Variants in NEGR1 observed in about 807,000 individuals in gnomAD.
NEGR1 encodes the protein neuronal growth regulator 1, also known as IgLON family member 4.
In NEGR1, 10 loss-of-function variants were observed where a neutral mutation model predicts 40.9. The observed-to-expected ratio is 0.24, with a 90% CI of 0.15 to 0.42. The LOEUF is 0.42. NEGR1 is among the 10% of genes least tolerant of loss of function. The pLI is 1.00. For missense variants in NEGR1, 352 were observed against 438.9 expected, an observed-to-expected ratio of 0.80 and a Z score of 1.77; for synonymous variants, 185 against 166.8, an observed-to-expected ratio of 1.11 and a Z score of -0.84.
chr1:72,016,723 A>C (rs892257764), intron 1 of NEGR1, among the ~76,000 whole-genome samples: 2 of 151,958 alleles, frequency 1.3e-5, no homozygotes, highest in African/African-American at 4.8e-5. Flanking sequence ...CACTCTAAAA[A>C]CCCCTGCACT....
intron 3 of NEGR1, among the ~76,000 whole-genome samples, chr1:71,722,683 ATTGTG>A (rs1654548520): frequency 1.3e-5 from 2 of 152,034 alleles, no homozygotes; most frequent in African/African-American, 2.4e-5. Flanking sequence ...TATAGGAACT[ATTGTG>A]TTGTGTGGGT....
At chr1:71,514,448 C>A (rs1450348172) in intron 6 of NEGR1, among the ~76,000 whole-genome samples, 3 of 95,642 alleles carry the variant, frequency 3.1e-5, no homozygotes, top group Non-Finnish European at 4.1e-5. Flanking sequence ...TGGGAGGCAC[C>A]CCCCAGCAGG....
chr1:71,497,650 G>A (rs552141532), intron 6 of NEGR1, among the ~76,000 whole-genome samples: 29 of 151,822 alleles, frequency 1.9e-4, no homozygotes, highest in African/African-American at 6.8e-4. Flanking sequence ...GAAGCTAAAT[G>A]GAAAGAATGA....
chr1:72,053,334 C>T (rs1647078912), intron 1 of NEGR1, among the ~76,000 whole-genome samples: 1 of 146,364 alleles, frequency 6.8e-6, no homozygotes, highest in African/African-American at 2.5e-5. Context: ...GATATATCAA[C>T]AAATTATATG....
intron 4 of NEGR1, among the ~76,000 whole-genome samples, chr1:71,633,220 C>A (rs547743276): frequency 1.6e-4 from 25 of 152,062 alleles, no homozygotes; most frequent in Non-Finnish European, 3.4e-4. Context: ...ACATTCATAA[C>A]CAGTTTGTAT....
At chr1:71,955,379 T>C (rs905444764) in intron 1 of NEGR1, among the ~76,000 whole-genome samples, 9 of 152,112 alleles carry the variant, frequency 5.9e-5, no homozygotes, top group Admixed American at 5.2e-4. Flanking sequence ...TGAATTTTAA[T>C]ATTGTCCCTT....
In NEGR1 at chr1:71,533,783, G is replaced by A. The variant is rs183214909; in HGVS notation, c.940+59034C>T. ...GTGTTAAATGATGGTGATAATAAAA[G>A]TACCAGTGATACAAAGACTAAACAC... On this transcript the variant is annotated intron_variant, in intron 6 of 6. Transcript: ENST00000357731. 5.9e-4 allele frequency among the ~76,000 whole-genome samples: 90 copies of A among 151,640 alleles called. 1 individual carries two copies. The highest frequency in any genetic ancestry group is 5.9e-3 in the Admixed American group (89 of 15,196).
intron 1 of NEGR1, among the ~76,000 whole-genome samples, chr1:72,236,937 G>A (rs1360265575): frequency 6.6e-6 from 1 of 151,894 alleles, no homozygotes; most frequent in Admixed American, 6.6e-5. Context: ...TTGTATTATT[G>A]AGGATAGTTA....
At chr1:71,619,367 AGCTGTTTTT>A (rs1316741996) in intron 4 of NEGR1, among the ~76,000 whole-genome samples, 1 of 152,092 alleles carries the variant, frequency 6.6e-6, no homozygotes, top group African/African-American at 2.4e-5. Flanking sequence ...CTGAAGTGTA[AGCTGTTTTT>A]GCTGGGAGTA....
At chr1:71,643,559 A>C (rs1268967723) in intron 4 of NEGR1, among the ~76,000 whole-genome samples, 1 of 152,026 alleles carries the variant, frequency 6.6e-6, no homozygotes, top group Non-Finnish European at 1.5e-5. Flanking sequence ...ACTCTTAGGA[A>C]GCAGGATGGA....
chr1:72,255,528 T>C (rs569330095), intron 1 of NEGR1, among the ~76,000 whole-genome samples: 23 of 151,404 alleles, frequency 1.5e-4, no homozygotes, highest in Non-Finnish European at 2.1e-4. Context: ...ATGCCTACTA[T>C]GGTTTATCAA....
chr1:71,903,641 T>C (rs1661199201), intron 2 of NEGR1, among the ~76,000 whole-genome samples: 1 of 151,914 alleles, frequency 6.6e-6, no homozygotes, highest in Non-Finnish European at 1.5e-5. Flanking sequence ...CTTTGCATAC[T>C]TCCTTCATTT....
chr1:72,131,332 TTATAA>T (rs1365481571), intron 1 of NEGR1, among the ~76,000 whole-genome samples: 2 of 152,160 alleles, frequency 1.3e-5, no homozygotes, highest in Admixed American at 6.5e-5. Flanking sequence ...CTAAAGGATC[TTATAA>T]TATTATAATA....
chr1:71,900,655 T>C (rs1661119054), intron 2 of NEGR1, among the ~76,000 whole-genome samples: 1 of 152,168 alleles, frequency 6.6e-6, no homozygotes. Flanking sequence ...AAATAATGTT[T>C]GCATGTTTTA....
At chr1:71,474,765 AC>A in intron 6 of NEGR1, among the ~76,000 whole-genome samples, 1 of 151,214 alleles carries the variant, frequency 6.6e-6, no homozygotes, top group African/African-American at 2.4e-5. Flanking sequence ...GAATAAATAA[AC>A]CATACTAGGT....
At chr1:71,692,575 G>A (rs1653323033) in intron 4 of NEGR1, among the ~76,000 whole-genome samples, 1 of 151,562 alleles carries the variant, frequency 6.6e-6, no homozygotes, top group South Asian at 2.1e-4. Context: ...ATTGCCCAAG[G>A]CTTTGGAGAA....
intron 6 of NEGR1, among the ~76,000 whole-genome samples, chr1:71,470,444 CA>C: frequency 6.6e-6 from 1 of 152,104 alleles, no homozygotes; most frequent in East Asian, 1.9e-4. Context: ...CTAATATAAA[CA>C]AAGAAAATTT....
chr1:72,273,421 G>C (rs575725038), intron 1 of NEGR1, among the ~76,000 whole-genome samples: 5 of 151,916 alleles, frequency 3.3e-5, no homozygotes, highest in African/African-American at 4.8e-5. Flanking sequence ...CCTGTTATCT[G>C]TTGATTATAA....
chr1:72,135,187 T>G (rs1446342784), intron 1 of NEGR1, among the ~76,000 whole-genome samples: 3 of 149,812 alleles, frequency 2.0e-5, no homozygotes, highest in African/African-American at 7.3e-5. Context: ...CCATCCCGGC[T>G]AACACGGTGA....
Sources: allele counts gnomAD v4.1 joint callset (sites outside exome capture counted in the v4.1 genomes callset), GRCh38; gene constraint gnomAD v4.1.1; transcripts MANE v1.5; gene names NCBI Gene and HGNC (gene_info 2026-07-23, HGNC 2026-07-21).